The following PTPRD variants were observed in gnomAD, a reference collection of about 807,000 sequenced individuals.
The protein encoded by PTPRD is receptor-type tyrosine-protein phosphatase delta.
Under a neutral mutation model 214.5 loss-of-function variants are expected in PTPRD, and 34 were observed. The observed-to-expected ratio is 0.16, with a 90% CI of 0.12 to 0.21. The LOEUF is 0.21. Among genes scored for constraint, PTPRD ranks in the 10% least tolerant of loss-of-function variants. The pLI is 1.00. For synonymous variants in PTPRD, 1,128 were observed against 845.7 expected, an observed-to-expected ratio of 1.33 and a Z score of -5.79; for missense variants, 2,545 against 2,398.7, an observed-to-expected ratio of 1.06 and a Z score of -1.27.
chr9:9,008,245 T>C (rs867663130), intron 11 of PTPRD, among the ~76,000 whole-genome samples: 1 of 18,874 alleles, frequency 5.3e-5, no homozygotes, highest in Non-Finnish European at 1.6e-4. Flanking sequence ...TTATTTATTT[T>C]TGAGACAGAG....
chr9:9,962,898 A>G (rs535717371), intron 4 of PTPRD, among the ~76,000 whole-genome samples: 256 of 152,202 alleles, frequency 1.7e-3, no homozygotes, highest in Non-Finnish European at 2.1e-3. Context: ...AAAACAACTG[A>G]ATGAGAATGA....
chr9:10,066,215 T>A (rs2097881335), intron 3 of PTPRD, among the ~76,000 whole-genome samples: 1 of 151,876 alleles, frequency 6.6e-6, no homozygotes, highest in Admixed American at 6.6e-5. Context: ...TTTATTGTTA[T>A]GAATAAACAA....
At chr9:9,864,328 T>G (rs62533748) in intron 5 of PTPRD, among the ~76,000 whole-genome samples, 1 of 143,848 alleles carries the variant, frequency 7.0e-6, no homozygotes, top group East Asian at 2.0e-4. Flanking sequence ...AAGAGAAAGA[T>G]TAAAAAAAAA....
intron 10 of PTPRD, among the ~76,000 whole-genome samples, chr9:9,068,448 T>G (rs1347634028): frequency 6.6e-6 from 1 of 152,302 alleles, no homozygotes; most frequent in South Asian, 2.1e-4. Context: ...GCCATTTTAC[T>G]TTCCACCAAC....
chr9:9,537,999 T>G (rs1047678301), intron 8 of PTPRD, among the ~76,000 whole-genome samples: 14 of 151,912 alleles, frequency 9.2e-5, no homozygotes, highest in African/African-American at 3.4e-4. Context: ...TCTCCCCTAC[T>G]ACTTTTGGGA....
chr9:10,372,114 A>T (rs550784171), intron 2 of PTPRD, among the ~76,000 whole-genome samples: 23 of 152,216 alleles, frequency 1.5e-4, no homozygotes, highest in African/African-American at 4.6e-4. Context: ...ATAGAAAGAA[A>T]GAAGGAGAAA....
At chr9:8,568,563 AC>A (rs1210038145) in intron 14 of PTPRD, among the ~76,000 whole-genome samples, 1 of 152,140 alleles carries the variant, frequency 6.6e-6, no homozygotes, top group Non-Finnish European at 1.5e-5. Context: ...AAGAGAACAC[AC>A]CAGACTCATT....
intron 3 of PTPRD, among the ~76,000 whole-genome samples, chr9:10,276,976 C>A (rs1312109587): frequency 2.0e-5 from 3 of 152,042 alleles, no homozygotes; most frequent in African/African-American, 7.2e-5. Flanking sequence ...TTATTTTGCC[C>A]TGGATACCTC....
chr9:8,577,942 A>G (rs2092631602), intron 14 of PTPRD, among the ~76,000 whole-genome samples: 2 of 152,180 alleles, frequency 1.3e-5, no homozygotes, highest in African/African-American at 2.4e-5. Context: ...TGTGTCCATC[A>G]GTCTCTACAC....
intron 4 of PTPRD, among the ~76,000 whole-genome samples, chr9:9,991,806 C>G (rs974612533): frequency 6.7e-6 from 1 of 149,862 alleles, no homozygotes; most frequent in South Asian, 2.1e-4. Flanking sequence ...ATTCCAATAA[C>G]AAATGTGCGA....
chr9:8,372,643 T>A (rs1031787113), intron 39 of PTPRD, among the ~76,000 whole-genome samples: 1 of 152,036 alleles, frequency 6.6e-6, no homozygotes, highest in Non-Finnish European at 1.5e-5. Flanking sequence ...CTTGCCTGTT[T>A]GAACTAGACC....
intron 10 of PTPRD, among the ~76,000 whole-genome samples, chr9:9,055,093 C>T (rs2099693764): frequency 6.6e-6 from 1 of 152,064 alleles, no homozygotes; most frequent in South Asian, 2.1e-4. Context: ...AGTAATTTGG[C>T]AATATCCAGT....
At chr9:8,963,178 A>G (rs975704575) in intron 11 of PTPRD, 1 of 152,170 alleles carries the variant, frequency 6.6e-6, no homozygotes, top group African/African-American at 2.4e-5. Context: ...ACAGTATAAA[A>G]AAGGAAAACT....
intron 5 of PTPRD, among the ~76,000 whole-genome samples, chr9:9,812,657 A>T (rs116712340): frequency 0.01 from 1,585 of 152,294 alleles, 33 homozygotes; most frequent in African/African-American, 0.037. Context: ...GGAGCACCTA[A>T]ATATGTAAAG....
At chr9:10,328,214 GAC>G (rs1229218438) in intron 3 of PTPRD, among the ~76,000 whole-genome samples, 2 of 151,596 alleles carry the variant, frequency 1.3e-5, no homozygotes, top group African/African-American at 4.8e-5. Context: ...GTAGCTCAGA[GAC>G]ACAGATTAAG....
At chr9:9,982,297 C>A (rs972690868) in intron 4 of PTPRD, among the ~76,000 whole-genome samples, 1 of 152,104 alleles carries the variant, frequency 6.6e-6, no homozygotes, top group African/African-American at 2.4e-5. Context: ...CCCATATTTT[C>A]CATATGGATG....
At chr9:10,263,757 C>G (rs1285204264) in intron 3 of PTPRD, among the ~76,000 whole-genome samples, 5 of 152,098 alleles carry the variant, frequency 3.3e-5, no homozygotes, top group Non-Finnish European at 7.4e-5. Flanking sequence ...TAACAAGGAG[C>G]CCAATGTTAA....
At chr9:10,483,312 C>T (rs966589728) in intron 2 of PTPRD, among the ~76,000 whole-genome samples, 3 of 151,854 alleles carry the variant, frequency 2.0e-5, no homozygotes, top group Non-Finnish European at 4.4e-5. Context: ...TAAATCTAAC[C>T]CCTAACACCA....
At chr9:8,957,417 G>A (rs895170059) in intron 11 of PTPRD, among the ~76,000 whole-genome samples, 42 of 151,364 alleles carry the variant, frequency 2.8e-4, no homozygotes, top group African/African-American at 9.2e-4. Context: ...CTTACTGAAC[G>A]CCTTACTGAA....
Sources: gnomAD v4.1 joint callset for allele counts (sites outside exome capture counted in the v4.1 genomes callset) on GRCh38, gnomAD v4.1.1 for gene constraint, MANE v1.5 for transcripts, NCBI Gene and HGNC (gene_info 2026-07-23, HGNC 2026-07-21) for gene names.